CSNK2A1: variants seen among roughly 807,000 people sequenced by gnomAD.
The protein encoded by CSNK2A1 is casein kinase 2 alpha 1.
CSNK2A1 carries 10 observed loss-of-function variants against 62.9 expected under a neutral mutation model. The ratio of observed to expected loss-of-function variants is 0.16; its 90% confidence interval spans 0.10 to 0.27. The LOEUF is 0.27. Ranked by LOEUF, CSNK2A1 falls within the 10% of genes least tolerant of loss-of-function variation. The probability of loss-of-function intolerance (pLI) is 1.00; values close to 1 mark genes in which losing one functional copy is unlikely to be tolerated. For synonymous variants in CSNK2A1, 124 were observed against 167.8 expected (o/e 0.74, Z 2.02); for missense variants, 160 against 492.0 (o/e 0.33, Z 6.38).
intron 9 of CSNK2A1, among the ~76,000 whole-genome samples, chr20:491,906 AGAGT>A: frequency 6.6e-6 from 1 of 152,386 alleles, no homozygotes; most frequent in South Asian, 2.1e-4. Context: ...CCTGGGCGAC[AGAGT>A]GAGACTCCGT....
In CSNK2A1 at chr20:485,085, AAAAAAAAAAAAAAAAAAAAAAAAAATAT is replaced by A. The variant is rs1222652225; in HGVS notation, c.1061-1037_1061-1010del. Among the ~76,000 whole-genome samples the A allele has an allele frequency of 5.3e-4, 19 of 35,890 alleles. No homozygotes were observed. In the East Asian group the frequency reaches 8.1e-3, roughly 15 times the overall value. The allele number at this position is 35,890 out of a possible 152,430, so 23.5% of individuals were successfully genotyped here. A position where few individuals can be genotyped will look rare whatever the true frequency, so the allele number is the denominator to read the frequency against. On this transcript the variant is annotated intron_variant, in intron 13 of 13. Coordinates refer to ENST00000217244, the MANE Select transcript of CSNK2A1 (RefSeq NM_177559.3). Reference sequence around the variant, plus strand: ...TGTCTCCAAAAAAAAAAAAAAAAAAAAAAAAAAAAAAAAAAAAAAAAAAAATATATATATATATATATATATATATATG... The same window carrying A: ...TGTCTCCAAAAAAAAAAAAAAAAAAAATATATATATATATATATATATATG...
intron 2 of CSNK2A1, among the ~76,000 whole-genome samples, chr20:522,903 T>C (rs1347707550): frequency 2.6e-5 from 4 of 152,094 alleles, no homozygotes. Flanking sequence ...CTCAAACGCC[T>C]GGCCTCAAGC....
chr20:525,379 G>A lies in CSNK2A1; in HGVS notation c.-110+2554C>T, dbSNP rs184284662. The stretch of plus-strand genomic sequence containing the variant: ...TAAAAATTTTAAAAATCGGCTGGGC[G>A]CAGTGGCTCACGCCTGTAATCCCAG... On this transcript the variant is annotated intron_variant, in intron 2 of 13. Transcript: ENST00000217244. Among the ~76,000 whole-genome samples the A allele has an allele frequency of 3.6e-3, 541 of 152,054 alleles. 8 individuals are homozygous for A. The highest frequency in any genetic ancestry group is 0.012 in the African/African-American group (511 of 41,496).
chr20:485,109 AATATATATATATATATAT>A (rs199759212), intron 13 of CSNK2A1, among the ~76,000 whole-genome samples: 3 of 24,666 alleles, frequency 1.2e-4, no homozygotes, highest in South Asian at 5.6e-3. Flanking sequence ...AAAAAAAAAA[AATATATATATATATATAT>A]ATATATATAT....
chr20:483,743 C>T lies in CSNK2A1; in HGVS notation c.*218G>A, dbSNP rs2018001996. 1.8e-5 allele frequency: 6 copies of T among 336,886 alleles called. No individual in the cohort carries two copies. Among genetic ancestry groups the T allele is most frequent in the Non-Finnish European group, 2.6e-5 (5 of 190,912 alleles). 20.9% of individuals were successfully genotyped at this position (336,886 alleles called of 1,614,324 possible). ...CCTGCAGGTAATTTTTCAGGGAATCCCCTGAGTTATGAAAAGTTCGAGTTA... is the reference window on the plus strand; with the variant it reads ...CCTGCAGGTAATTTTTCAGGGAATCTCCTGAGTTATGAAAAGTTCGAGTTA... On this transcript the variant is annotated 3_prime_UTR_variant, in exon 14 of 14. Coordinates refer to ENST00000217244, the MANE Select transcript of CSNK2A1 (RefSeq NM_177559.3).
In CSNK2A1 at chr20:526,117, C is replaced by T. The variant is rs558457480; in HGVS notation, c.-110+1816G>A. ...CCCAGAGAAACTAGAAGGAAAAAAA[C>T]GGGAAAAGCAGCAATCAAAGAAATA... On this transcript the variant is annotated intron_variant, in intron 2 of 13. Transcript: ENST00000217244. 1.1e-4 allele frequency among the ~76,000 whole-genome samples: 16 copies of T among 152,044 alleles called. 1 individual carries two copies. In the South Asian group the frequency reaches 2.7e-3, roughly 26 times the overall value.
At chr20:543,085 T>G (rs1232287670) in intron 1 of CSNK2A1, 2 of 152,382 alleles carry the variant, frequency 1.3e-5, no homozygotes, top group Admixed American at 6.5e-5. Flanking sequence ...TAACTAGTCC[T>G]TAACTCCAAC....
At position 478,623 on chromosome 20, in the gene CSNK2A1, T is replaced by C; in HGVS notation, c.*5338A>G. The C allele has an allele frequency of 2.3e-6, 1 of 429,388 alleles. No homozygotes were observed. The highest frequency in any genetic ancestry group is 8.3e-5 in the East Asian group (1 of 12,006). 26.6% of individuals were successfully genotyped at this position (429,388 alleles called of 1,614,324 possible). A position where few individuals can be genotyped will look rare whatever the true frequency, so the allele number is the denominator to read the frequency against. ...GTACCTGGGGAAGGGCTTCTCACAT[T>C]GAGGCCAATAAGAATCCCTAGTGGG... On this transcript the variant is annotated 3_prime_UTR_variant, in exon 14 of 14. Transcript: ENST00000217244.
Position 486,064 on chromosome 20 carries a change from C to T in CSNK2A1, c.1060+312G>A, listed in dbSNP as rs146543823. Among the ~76,000 whole-genome samples the T allele has an allele frequency of 6.4e-3, 980 of 152,240 alleles. 7 individuals carry two copies. The highest frequency in any genetic ancestry group is 0.011 in the Non-Finnish European group (772 of 68,012). On this transcript the variant is annotated intron_variant, in intron 13 of 13. Coordinates refer to ENST00000217244, the MANE Select transcript of CSNK2A1 (RefSeq NM_177559.3). The stretch of plus-strand genomic sequence containing the variant: ...CATTTCTTAACATTGTTTCTAAGGG[C>T]CATGTAACTACTGTCATTTCAAACT...
chr20:508,713 G>C, intron 2 of CSNK2A1, 53 bp from the exon 3 acceptor site: 1 of 613,126 alleles, frequency 1.6e-6, no homozygotes, highest in East Asian at 2.9e-5. Flanking sequence ...AAGGTATATG[G>C]GAAGGAAATA....
At chr20:485,241 C>T (rs1335254847) in intron 13 of CSNK2A1, among the ~76,000 whole-genome samples, 4 of 149,510 alleles carry the variant, frequency 2.7e-5, no homozygotes, top group African/African-American at 7.4e-5. Flanking sequence ...TGGAGGGCAA[C>T]GGTGCGATCT....
chr20:487,906 T>C lies in CSNK2A1; in HGVS notation c.825-331A>G, dbSNP rs137907194. On this transcript the variant is annotated intron_variant, in intron 11 of 13. Coordinates refer to ENST00000217244, the MANE Select transcript of CSNK2A1 (RefSeq NM_177559.3). ...CAGGCCTATTTCCCATCCCCACACA[T>C]ATTCCTGGCATCTCTGCCAATTGGC... The C allele has an allele frequency of 1.1e-3, 389 of 345,788 alleles. 2 individuals are homozygous for C. In the Middle Eastern group the frequency reaches 0.018, roughly 16 times the overall value. 21.4% of individuals were successfully genotyped at this position (345,788 alleles called of 1,614,324 possible).
rs118007445 is a variant in CSNK2A1, at chr20:478,438, C to T, written c.*5523G>A. 763 of 225,510 alleles carry T rather than the reference C, an allele frequency of 3.4e-3. 8 individuals carry two copies. In the East Asian group the frequency reaches 0.046, roughly 13 times the overall value. The allele number at this position is 225,510 out of a possible 1,614,324, so 14.0% of individuals were successfully genotyped here. On this transcript the variant is annotated 3_prime_UTR_variant, in exon 14 of 14. Coordinates refer to ENST00000217244, the MANE Select transcript of CSNK2A1 (RefSeq NM_177559.3). Reference sequence around the variant, plus strand: ...TCCCAGGGTGGGATCAGGAAGCCAGCCCCAGCTGCTGCAGCATTTTTTTCC... The same window carrying T: ...TCCCAGGGTGGGATCAGGAAGCCAGTCCCAGCTGCTGCAGCATTTTTTTCC...
At chr20:526,200 C>T (rs766638907) in intron 2 of CSNK2A1, among the ~76,000 whole-genome samples, 4 of 149,988 alleles carry the variant, frequency 2.7e-5, no homozygotes, top group South Asian at 4.2e-4. Flanking sequence ...GTGCTGAGCC[C>T]GTGGCTCATG....
At chr20:510,759 C>G (rs746152888) in intron 2 of CSNK2A1, among the ~76,000 whole-genome samples, 4 of 152,048 alleles carry the variant, frequency 2.6e-5, no homozygotes. Context: ...CTCTGTAGGC[C>G]AGGCTAGAGT....
chr20:484,979 A>C (rs181635231), intron 13 of CSNK2A1, among the ~76,000 whole-genome samples: 5,142 of 140,062 alleles, frequency 0.037, 312 homozygotes, highest in African/African-American at 0.13. Flanking sequence ...AGGTGGGAGA[A>C]TCGCTTGAAC....
At chr20:508,870 A>G (rs1026967141) in intron 2 of CSNK2A1, among the ~76,000 whole-genome samples, 1 of 152,232 alleles carries the variant, frequency 6.6e-6, no homozygotes, top group South Asian at 2.1e-4. Context: ...TGCTTTAATC[A>G]TATTTTGCCA....
chr20:499,692 T>C lies in CSNK2A1; in HGVS notation c.315+141A>G. 1 of 752,840 alleles carries C rather than the reference T, an allele frequency of 1.3e-6. No homozygotes were observed. The allele number at this position is 752,840 out of a possible 1,614,324, so 46.6% of individuals were successfully genotyped here. On this transcript the variant is annotated intron_variant, in intron 5 of 13. Transcript: ENST00000217244. The surrounding 1 kb of genome is among the most constrained non-coding windows in gnomAD (Gnocchi z 4.2). ...CTTTGAAAGAAAGACCCAAGCTAGTTAAATGGTATATCTGATTAAGCACTT... is the reference window on the plus strand; with the variant it reads ...CTTTGAAAGAAAGACCCAAGCTAGTCAAATGGTATATCTGATTAAGCACTT...
chr20:499,878 T>C lies in CSNK2A1; in HGVS notation c.270A>G (p.Gly90=). 6.2e-7 allele frequency: 1 copy of C among 1,613,430 alleles called. No homozygotes were observed. The highest frequency in any genetic ancestry group is 8.5e-7 in the Non-Finnish European group (1 of 1,179,982). ...CTGCCAGTGTGATGATGTTGGGACC[T>C]CCTCTCAAATTCTCCAAAATCTTTA... ...REIKILENLR[G]GPNIITLADI... Residue 90 remains glycine, a synonymous_variant, in exon 5 of 14, where the codon GGA becomes GGG. Transcript: ENST00000217244. This position sits in a 1 kb window ranked among gnomAD's most constrained non-coding sequence, Gnocchi z 4.2.
Sources: gnomAD v4.1 joint callset for allele counts (sites outside exome capture counted in the v4.1 genomes callset) on GRCh38, gnomAD v4.1.1 for gene constraint, Gnocchi (gnomAD v3.1) non-coding constraint, MANE v1.5 for transcripts, NCBI Gene and HGNC (gene_info 2026-07-23, HGNC 2026-07-21) for gene names.